Variants in FBXO47 observed in about 807,000 individuals in gnomAD.
FBXO47 encodes the protein F-box only protein 47.
In FBXO47, 34 loss-of-function variants were observed where a neutral mutation model predicts 53.9. The ratio of observed to expected loss-of-function variants is 0.63; its 90% CI spans 0.48 to 0.84. FBXO47 has a LOEUF of 0.84. Among genes scored for constraint, FBXO47 ranks in the 40% least tolerant of loss-of-function variants. FBXO47 has a pLI of 0.00. For missense variants in FBXO47, 485 were observed against 541.3 expected (o/e 0.90, Z 1.03); for synonymous variants, 165 against 181.6 (o/e 0.91, Z 0.73).
chr17:38,943,185 C>G (rs1904588136), intron 8 of FBXO47, among the ~76,000 whole-genome samples: 2 of 152,070 alleles, frequency 1.3e-5, no homozygotes, highest in Admixed American at 1.3e-4. Context: ...GTGTTCTAAT[C>G]CTGTGCAAGG....
intron 9 of FBXO47, 77 bp from the exon 10 acceptor site, chr17:38,938,809 AATAATT>A: frequency 8.5e-7 from 1 of 1,174,034 alleles, no homozygotes; most frequent in Non-Finnish European, 1.2e-6. Flanking sequence ...AACAATGATG[AATAATT>A]ATAGTTTGTG....
intron 4 of FBXO47, among the ~76,000 whole-genome samples, chr17:38,955,638 C>T (rs558632406): frequency 6.6e-6 from 1 of 151,430 alleles, no homozygotes; most frequent in South Asian, 2.1e-4. Context: ...CGGGGTTTCA[C>T]CATGTTTTAT....
intron 7 of FBXO47, 38 bp downstream of exon 7, chr17:38,944,922 A>T: frequency 6.4e-7 from 1 of 1,564,828 alleles, no homozygotes; most frequent in Non-Finnish European, 8.8e-7. Context: ...AAAAATAATG[A>T]ACCAGTTATG....
intron 6 of FBXO47, 32 bp downstream of exon 6, chr17:38,951,549 C>T: frequency 6.9e-7 from 1 of 1,449,250 alleles, no homozygotes; most frequent in Non-Finnish European, 9.6e-7. Context: ...ATTTTAATCT[C>T]TGTATATTAT....
chr17:38,946,171 T>A (rs1216209741), intron 6 of FBXO47, among the ~76,000 whole-genome samples: 1 of 112,792 alleles, frequency 8.9e-6, no homozygotes, highest in Non-Finnish European at 1.6e-5. Context: ...TATAAATATA[T>A]AAAAATATAT....
chr17:38,966,668 A>T (rs1194292121), intron 1 of FBXO47, among the ~76,000 whole-genome samples: 1 of 152,170 alleles, frequency 6.6e-6, no homozygotes, highest in African/African-American at 2.4e-5. Context: ...AACTACATAC[A>T]TGTTTAAAAT....
chr17:38,951,537 CTATT>C (rs775954136), intron 6 of FBXO47, 40 bp downstream of exon 6: 2 of 1,361,246 alleles, frequency 1.5e-6, no homozygotes, highest in Admixed American at 4.3e-5. Context: ...TTTATTTTTT[CTATT>C]TTAATCTCTG....
At position 38,962,843 on chromosome 17, in the gene FBXO47, A is replaced by C; in HGVS notation, c.181+2T>G. The C allele has an allele frequency of 6.2e-7, 1 of 1,606,972 alleles. No homozygotes were observed. Among genetic ancestry groups the C allele is most frequent in the Non-Finnish European group, 8.5e-7 (1 of 1,175,586 alleles). On this transcript the variant is annotated splice_donor_variant, in intron 2 of 10. Transcript: ENST00000378079. LOFTEE classifies it high-confidence loss of function. ...GGCTATTCATAAGTTCCCAAACCTC[A>C]CCTGACAAATATTTTAAAATTATCT...
At chr17:38,956,007 A>G (rs1905536238) in intron 4 of FBXO47, among the ~76,000 whole-genome samples, 1 of 149,164 alleles carries the variant, frequency 6.7e-6, no homozygotes, top group Non-Finnish European at 1.5e-5. Flanking sequence ...GTGGTGGCAC[A>G]CGCCTGTAAT....
At chr17:38,948,617 G>C (rs1905056537) in intron 6 of FBXO47, among the ~76,000 whole-genome samples, 1 of 152,070 alleles carries the variant, frequency 6.6e-6, no homozygotes, top group Admixed American at 6.6e-5. Context: ...CCATGTTGTA[G>C]CATATATCAG....
chr17:38,945,992 T>A (rs1327563916), intron 6 of FBXO47, among the ~76,000 whole-genome samples: 3 of 130,408 alleles, frequency 2.3e-5, no homozygotes, highest in Admixed American at 8.8e-5. Flanking sequence ...TACAAATATA[T>A]AAATATATAT....
chr17:38,940,474 T>C (rs559549745), intron 9 of FBXO47, among the ~76,000 whole-genome samples: 1 of 152,012 alleles, frequency 6.6e-6, no homozygotes, highest in South Asian at 2.1e-4. Flanking sequence ...CTCCACAGAA[T>C]GGCCCACAAA....
chr17:38,952,815 C>CTTTTTTTTTTTTTTTTTTTTTTTTTTTT lies in FBXO47; in HGVS notation c.508-1127_508-1126insAAAAAAAAAAAAAAAAAAAAAAAAAAAA, dbSNP rs139105548. 5.2e-5 allele frequency among the ~76,000 whole-genome samples: 6 copies of CTTTTTTTTTTTTTTTTTTTTTTTTTTTT among 115,352 alleles called. No homozygotes were observed. In the East Asian group the frequency reaches 1.7e-3, roughly 33 times the overall value. 75.7% of individuals were successfully genotyped at this position (115,352 alleles called of 152,430 possible). A position where few individuals can be genotyped will look rare whatever the true frequency, so the allele number is the denominator to read the frequency against. Reference sequence around the variant, plus strand: ...GACAATTCTGAGCATTTATTTATGACTTTTTTTTTTTTTTTTTTTGTAGAG... The same window carrying CTTTTTTTTTTTTTTTTTTTTTTTTTTTT: ...GACAATTCTGAGCATTTATTTATGACTTTTTTTTTTTTTTTTTTTTTTTTTTTTTTTTTTTTTTTTTTTTTTTGTAGAG... On this transcript the variant is annotated intron_variant, in intron 5 of 10. Coordinates refer to ENST00000378079, the MANE Select transcript of FBXO47 (RefSeq NM_001008777.3).
At chr17:38,946,247 AATATAAAAAT>A (rs1904793523) in intron 6 of FBXO47, among the ~76,000 whole-genome samples, 1 of 108,232 alleles carries the variant, frequency 9.2e-6, no homozygotes, top group Non-Finnish European at 1.7e-5. Flanking sequence ...AATATATATA[AATATAAAAAT>A]ATGTATAAAT....
At position 38,939,323 on chromosome 17, in the gene FBXO47, A is replaced by AAAT. The variant is rs1555559726; in HGVS notation, c.1084-592_1084-591insATT. Among the ~76,000 whole-genome samples the AAAT allele has an allele frequency of 1.0e-3, 51 of 50,140 alleles. 1 individual carries two copies. Among genetic ancestry groups the AAAT allele is most frequent in the African/African-American group, 1.4e-3 (18 of 13,288 alleles). 32.9% of individuals were successfully genotyped at this position (50,140 alleles called of 152,430 possible). On this transcript the variant is annotated intron_variant, in intron 9 of 10. Coordinates refer to ENST00000378079, the MANE Select transcript of FBXO47 (RefSeq NM_001008777.3). Reference sequence around the variant, plus strand: ...AAAAAAAAAAAAAAAAAAAAAAAAAAATATATATATATATATATATATGTA... The same window carrying AAAT: ...AAAAAAAAAAAAAAAAAAAAAAAAAAAATATATATATATATATATATATATGTA...
intron 6 of FBXO47, among the ~76,000 whole-genome samples, chr17:38,947,184 CAGCT>C (rs1338966984): frequency 6.7e-6 from 1 of 149,432 alleles, no homozygotes; most frequent in Non-Finnish European, 1.5e-5. Flanking sequence ...CCTTTGATCC[CAGCT>C]ACTCAGGAGG....
chr17:38,964,388 G>C (rs2143975056), intron 1 of FBXO47, among the ~76,000 whole-genome samples: 1 of 152,250 alleles, frequency 6.6e-6, no homozygotes, highest in South Asian at 2.1e-4. Flanking sequence ...CTGAGGTCAG[G>C]AGTTCGAGAC....
intron 7 of FBXO47, 109 bp from the exon 8 acceptor site, chr17:38,943,845 T>G: frequency 1.1e-6 from 1 of 948,202 alleles, no homozygotes; most frequent in Non-Finnish European, 1.6e-6. Flanking sequence ...TTATACAAGC[T>G]ACTTTCATTT....
intron 6 of FBXO47, among the ~76,000 whole-genome samples, chr17:38,945,810 C>T (rs1224637748): frequency 6.6e-6 from 1 of 150,586 alleles, no homozygotes; most frequent in Non-Finnish European, 1.5e-5. Context: ...ATGGCGGGCG[C>T]CTGTAGTCCC....
Sources: gnomAD v4.1 joint callset for allele counts (sites outside exome capture counted in the v4.1 genomes callset) on GRCh38, gnomAD v4.1.1 for gene constraint, MANE v1.5 for transcripts, NCBI Gene and HGNC (gene_info 2026-07-23, HGNC 2026-07-21) for gene names.